The following ATXN1 variants were observed in gnomAD, a reference collection of about 807,000 sequenced individuals.
ATXN1 encodes the protein ataxin 1.
A neutral mutation model predicts 56.4 loss-of-function variants in ATXN1; 8 were observed. That is an observed-to-expected ratio of 0.14 (90% CI 0.08 to 0.26). The LOEUF is 0.26. Ranked by LOEUF, ATXN1 falls within the 10% of genes least tolerant of loss-of-function variation. The probability of loss-of-function intolerance (pLI) is 1.00; values close to 1 mark genes in which losing one functional copy is unlikely to be tolerated. For synonymous variants in ATXN1, 514 were observed against 494.6 expected (o/e 1.04, Z -0.52); for missense variants, 987 against 1,106.5 (o/e 0.89, Z 1.53).
intron 6 of ATXN1, among the ~76,000 whole-genome samples, chr6:16,357,701 G>A (rs1761720241): frequency 6.6e-6 from 1 of 152,134 alleles, no homozygotes; most frequent in Non-Finnish European, 1.5e-5. Context: ...GTTCCCAGAG[G>A]GTCTAGACTC....
intron 6 of ATXN1, among the ~76,000 whole-genome samples, chr6:16,378,033 C>T (rs1429447218): frequency 6.6e-6 from 1 of 152,236 alleles, no homozygotes; most frequent in Admixed American, 6.5e-5. Flanking sequence ...TCGGGCACCA[C>T]CAGCCCTCTA....
At chr6:16,389,222 A>C (rs554906204) in intron 6 of ATXN1, among the ~76,000 whole-genome samples, 1 of 151,922 alleles carries the variant, frequency 6.6e-6, no homozygotes, top group East Asian at 1.9e-4. Flanking sequence ...CTGTCATCTC[A>C]GCTACTCGGG....
intron 5 of ATXN1, among the ~76,000 whole-genome samples, chr6:16,492,942 T>G (rs778756219): frequency 2.6e-5 from 4 of 152,142 alleles, no homozygotes; most frequent in Non-Finnish European, 5.9e-5. Context: ...GCTGACAGCA[T>G]CATCATCTTC....
At chr6:16,672,420 C>T (rs759434493) in intron 2 of ATXN1, among the ~76,000 whole-genome samples, 29 of 152,162 alleles carry the variant, frequency 1.9e-4, no homozygotes, top group Non-Finnish European at 3.5e-4. Context: ...CTAGTAAATG[C>T]CTTGGAGTCT....
At chr6:16,628,710 T>G (rs74587439) in intron 3 of ATXN1, among the ~76,000 whole-genome samples, 12,202 of 152,246 alleles carry the variant, frequency 0.08, 1,609 homozygotes, top group African/African-American at 0.28. Flanking sequence ...AGTGAGAACA[T>G]GCAGTATTTA....
intron 5 of ATXN1, among the ~76,000 whole-genome samples, chr6:16,498,370 T>C (rs1261131174): frequency 6.6e-6 from 1 of 152,220 alleles, no homozygotes; most frequent in Non-Finnish European, 1.5e-5. Flanking sequence ...TATACCACAT[T>C]TTGTTATTTA....
At chr6:16,464,694 T>A (rs1271094589) in intron 6 of ATXN1, among the ~76,000 whole-genome samples, 1 of 151,376 alleles carries the variant, frequency 6.6e-6, no homozygotes, top group Non-Finnish European at 1.5e-5. Flanking sequence ...GGGTACATAC[T>A]GTATGATTCC....
At chr6:16,537,584 T>C (rs1417136780) in intron 4 of ATXN1, among the ~76,000 whole-genome samples, 1 of 151,936 alleles carries the variant, frequency 6.6e-6, no homozygotes. Flanking sequence ...CAGGTGCCTG[T>C]AATCCCTGCT....
At chr6:16,727,040 C>G (rs557878734) in intron 2 of ATXN1, among the ~76,000 whole-genome samples, 53 of 152,260 alleles carry the variant, frequency 3.5e-4, no homozygotes, top group African/African-American at 1.1e-3. Flanking sequence ...CAGACAGTGA[C>G]TTATTACCCT....
At position 16,458,780 on chromosome 6, in the gene ATXN1, T is replaced by C. The variant is rs986283101; in HGVS notation, c.-161+27192A>G. On this transcript the variant is annotated intron_variant, in intron 6 of 7. Coordinates refer to ENST00000436367, the MANE Select transcript of ATXN1 (RefSeq NM_001128164.2). ...GCTACTCCCTCACCCATGTCCACTATGCCAAGGCAATCACTAGACGGGGTA... is the reference window on the plus strand; with the variant it reads ...GCTACTCCCTCACCCATGTCCACTACGCCAAGGCAATCACTAGACGGGGTA... Among the ~76,000 whole-genome samples, 4 of 152,210 alleles carry C rather than the reference T, an allele frequency of 2.6e-5. No homozygotes were observed. In the South Asian group the frequency reaches 8.3e-4, roughly 32 times the overall value.
At chr6:16,344,840 CCTGA>C (rs1419752657) in intron 6 of ATXN1, among the ~76,000 whole-genome samples, 2 of 152,202 alleles carry the variant, frequency 1.3e-5, no homozygotes, top group Non-Finnish European at 2.9e-5. Flanking sequence ...TCTAGAGAAC[CCTGA>C]CTAATACAGT....
At chr6:16,505,594 C>G (rs1760969396) in intron 5 of ATXN1, among the ~76,000 whole-genome samples, 1 of 152,156 alleles carries the variant, frequency 6.6e-6, no homozygotes, top group Admixed American at 6.5e-5. Context: ...AATAGGAACA[C>G]AAGCCAGGCT....
intron 7 of ATXN1, among the ~76,000 whole-genome samples, chr6:16,316,203 A>G (rs1237738909): frequency 6.6e-6 from 1 of 152,214 alleles, no homozygotes; most frequent in African/African-American, 2.4e-5. Flanking sequence ...CCTTATGAGA[A>G]TCTAACTAAT....
chr6:16,359,943 A>C (rs1761773265), intron 6 of ATXN1, among the ~76,000 whole-genome samples: 1 of 152,088 alleles, frequency 6.6e-6, no homozygotes, highest in Non-Finnish European at 1.5e-5. Flanking sequence ...GTGAGGGATA[A>C]ATGACTACAA....
chr6:16,302,315 A>G lies in ATXN1; in HGVS notation c.*4014T>C, dbSNP rs1237518181. ...CTTCCTGGTGGGGGGAAAAAACCCA[A>G]CACACTCACCTAACAGAAAACATAG... On this transcript the variant is annotated 3_prime_UTR_variant, in exon 8 of 8. Transcript: ENST00000436367. The G allele has an allele frequency of 1.3e-5, 2 of 152,394 alleles. No individual in the cohort carries two copies. The highest frequency in any genetic ancestry group is 4.8e-5 in the African/African-American group (2 of 41,460). 9.4% of individuals were successfully genotyped at this position (152,394 alleles called of 1,614,324 possible).
At position 16,300,635 on chromosome 6, in the gene ATXN1, A is replaced by G. The variant is rs1464968024; in HGVS notation, c.*5694T>C. On this transcript the variant is annotated 3_prime_UTR_variant, in exon 8 of 8. Transcript: ENST00000436367. ...TTGAAATCATGTTTTTACTCCCCCCATTTAAATGAGGTGTGGGGGGAAAGA... is the reference window on the plus strand; with the variant it reads ...TTGAAATCATGTTTTTACTCCCCCCGTTTAAATGAGGTGTGGGGGGAAAGA... The G allele has an allele frequency of 6.6e-6, 1 of 152,500 alleles. No homozygotes were observed. The highest frequency in any genetic ancestry group is 1.5e-5 in the Non-Finnish European group (1 of 68,022). The allele number at this position is 152,500 out of a possible 1,614,324, so 9.4% of individuals were successfully genotyped here. A position where few individuals can be genotyped will look rare whatever the true frequency, so the allele number is the denominator to read the frequency against.
chr6:16,680,697 C>A (rs1024322783), intron 2 of ATXN1, among the ~76,000 whole-genome samples: 1 of 152,148 alleles, frequency 6.6e-6, no homozygotes, highest in South Asian at 2.1e-4. Flanking sequence ...CTGTTATATA[C>A]AAGGCAGCCT....
At chr6:16,318,954 T>C (rs1445418760) in intron 7 of ATXN1, among the ~76,000 whole-genome samples, 1 of 152,060 alleles carries the variant, frequency 6.6e-6, no homozygotes, top group Non-Finnish European at 1.5e-5. Flanking sequence ...GGGTGGCTCA[T>C]CCCTGTAATC....
At chr6:16,425,357 A>C (rs1759131642) in intron 6 of ATXN1, among the ~76,000 whole-genome samples, 1 of 152,200 alleles carries the variant, frequency 6.6e-6, no homozygotes, top group African/African-American at 2.4e-5. Context: ...GGTAAAGGAG[A>C]ATTTGAATAG....
Sources: gnomAD v4.1 joint callset for allele counts (sites outside exome capture counted in the v4.1 genomes callset) on GRCh38, gnomAD v4.1.1 for gene constraint, MANE v1.5 for transcripts, NCBI Gene and HGNC (gene_info 2026-07-23, HGNC 2026-07-21) for gene names.